SERHL2: variants seen among roughly 807,000 people sequenced by gnomAD.
SERHL2 encodes serine hydrolase like 2.
A neutral mutation model predicts 25.5 loss-of-function variants in SERHL2; 29 were observed. That is an observed-to-expected ratio of 1.14 (90% CI 0.85 to 1.55). SERHL2 has a LOEUF of 1.55. Ranked by LOEUF, SERHL2 falls within the 40% of genes most tolerant of loss-of-function variation. The pLI, the probability that SERHL2 is intolerant of heterozygous loss-of-function variation, is 0.00. For synonymous variants in SERHL2, 95 were observed against 103.5 expected (o/e 0.92, Z 0.50); for missense variants, 240 against 252.3 (o/e 0.95, Z 0.33).
rs763018444 is a variant in SERHL2 at position 42,554,097 on chromosome 22, C to T, written c.22+55C>T. ...CCACTGCCCACCCACCTGGTTGGGA[C>T]AGTAGAAGAGGGCGGGATGGAGTGG... On this transcript the variant is annotated intron_variant, in intron 1 of 11. Coordinates refer to ENST00000327678, the MANE Select transcript of SERHL2 (RefSeq NM_014509.5). 1.4e-5 allele frequency: 22 copies of T among 1,596,206 alleles called. No homozygotes were observed. In the East Asian group the frequency reaches 1.6e-4, roughly 11 times the overall value.
In SERHL2 at chr22:42,574,301, G is replaced by A; in HGVS notation, c.*246G>A. ...CTAATAATAAATATCCAGCCAGCTG[G>A]AGGAAGGAAGGGCAGGCTGGGCCCA... On this transcript the variant is annotated 3_prime_UTR_variant, in exon 12 of 12. Transcript: ENST00000327678. 3.7e-6 allele frequency: 2 copies of A among 545,654 alleles called. No individual in the cohort carries two copies. The highest frequency in any genetic ancestry group is 2.3e-5 in the South Asian group (1 of 43,594). 33.8% of individuals were successfully genotyped at this position (545,654 alleles called of 1,614,324 possible).
chr22:42,564,045 C>T (rs1014017560), intron 8 of SERHL2, among the ~76,000 whole-genome samples: 1 of 151,628 alleles, frequency 6.6e-6, no homozygotes, highest in African/African-American at 2.4e-5. Flanking sequence ...GCACTCTAGC[C>T]TGGGCAACAA....
In SERHL2 at chr22:42,571,030, A is replaced by G. The variant is rs533689958; in HGVS notation, c.649-91A>G. ...GGTGGGTGGCTAAGGTGCCCTCGCC[A>G]GGACTTAGCCACCCCAACAGAGATG... On this transcript the variant is annotated intron_variant, in intron 9 of 11. Transcript: ENST00000327678. 269 of 1,591,494 alleles carry G rather than the reference A, an allele frequency of 1.7e-4. 1 individual carries two copies. In the African/African-American group the frequency reaches 3.3e-3, roughly 19 times the overall value.
At chr22:42,556,671 G>A in intron 6 of SERHL2, 83 bp downstream of exon 6, 2 of 1,155,496 alleles carry the variant, frequency 1.7e-6, no homozygotes, top group South Asian at 2.7e-5. Flanking sequence ...TCCTTTGGTG[G>A]ACACTAGGGA....
intron 11 of SERHL2, 161 bp downstream of exon 11, chr22:42,572,690 C>A: frequency 1.0e-6 from 1 of 984,568 alleles, no homozygotes; most frequent in East Asian, 1.1e-4. Flanking sequence ...GTGGTCAGTC[C>A]CTAGAGGCCT....
At position 42,560,175 on chromosome 22, in the gene SERHL2, T is replaced by TC. The variant is rs759614339; in HGVS notation, c.534-10dup. 3 of 1,607,794 alleles carry TC rather than the reference T, an allele frequency of 1.9e-6. No homozygotes were observed. The highest frequency in any genetic ancestry group is 2.6e-6 in the Non-Finnish European group (3 of 1,174,666). On this transcript the variant is annotated splice_polypyrimidine_tract_variant and intron_variant, in intron 7 of 11. Transcript: ENST00000327678. Reference sequence around the variant, plus strand: ...CCTCCAGGCACCCAGCATCCTTCTGTCTCCCCCCAGGTTACTGAAGAGCAA... The same window carrying TC: ...CCTCCAGGCACCCAGCATCCTTCTGTCCTCCCCCCAGGTTACTGAAGAGCAA...
chr22:42,556,504 A>C lies in SERHL2; in HGVS notation c.349-10A>C. ...CCCCTATTCATTCTCCCCTTTTGGCATCCTCACAGTTTTTCTGTACCTTCC... is the reference window on the plus strand; with the variant it reads ...CCCCTATTCATTCTCCCCTTTTGGCCTCCTCACAGTTTTTCTGTACCTTCC... On this transcript the variant is annotated splice_polypyrimidine_tract_variant and intron_variant, in intron 5 of 11. Coordinates refer to ENST00000327678, the MANE Select transcript of SERHL2 (RefSeq NM_014509.5). 3 of 1,613,056 alleles carry C rather than the reference A, an allele frequency of 1.9e-6. No individual in the cohort carries two copies. Among genetic ancestry groups the C allele is most frequent in the Non-Finnish European group, 2.5e-6 (3 of 1,179,368 alleles).
intron 8 of SERHL2, among the ~76,000 whole-genome samples, chr22:42,561,248 G>A (rs1922641983): frequency 6.6e-6 from 1 of 151,920 alleles, no homozygotes; most frequent in Non-Finnish European, 1.5e-5. Context: ...ACAGCTGGAG[G>A]GAGATGGTGT....
chr22:42,572,266 G>C (rs1392064043), intron 10 of SERHL2, among the ~76,000 whole-genome samples, 170 bp from the exon 11 acceptor site: 4 of 152,072 alleles, frequency 2.6e-5, no homozygotes, highest in Non-Finnish European at 4.4e-5. Context: ...CATGAGCTGA[G>C]ATTAACTGAG....
intron 8 of SERHL2, among the ~76,000 whole-genome samples, chr22:42,562,597 C>G (rs886299444): frequency 2.0e-5 from 3 of 151,596 alleles, no homozygotes; most frequent in Non-Finnish European, 4.4e-5. Flanking sequence ...AGCTCCACTT[C>G]CTCTTTTGAA....
intron 1 of SERHL2, among the ~76,000 whole-genome samples, chr22:42,554,582 G>T (rs1028237032): frequency 1.3e-5 from 2 of 152,068 alleles, no homozygotes; most frequent in African/African-American, 4.8e-5. Context: ...AAGGAAACAG[G>T]CTCAAGACGT....
intron 9 of SERHL2, among the ~76,000 whole-genome samples, 196 bp downstream of exon 9, chr22:42,566,534 C>T (rs537105415): frequency 6.8e-5 from 10 of 147,744 alleles, no homozygotes; most frequent in Middle Eastern, 7.1e-3. Flanking sequence ...GCAGCCTGGG[C>T]GACAGAGCGA....
intron 9 of SERHL2, 63 bp downstream of exon 9, chr22:42,566,401 G>T: frequency 6.5e-7 from 1 of 1,543,088 alleles, no homozygotes; most frequent in South Asian, 1.1e-5. Context: ...TGTCGTTTTT[G>T]AAAATTACAG....
intron 9 of SERHL2, among the ~76,000 whole-genome samples, chr22:42,567,392 C>T (rs1427245684): frequency 6.6e-6 from 1 of 151,820 alleles, no homozygotes; most frequent in Non-Finnish European, 1.5e-5. Flanking sequence ...CGGCCGGGCG[C>T]GGTGGCTCAC....
intron 10 of SERHL2, chr22:42,571,832 C>T (rs1462431387): frequency 9.1e-5 from 14 of 153,790 alleles, no homozygotes; most frequent in Non-Finnish European, 1.4e-4. Flanking sequence ...ACACAACCGT[C>T]TACGTGTTGT....
At chr22:42,566,832 CCT>C (rs1356824063) in intron 9 of SERHL2, among the ~76,000 whole-genome samples, 9 of 152,290 alleles carry the variant, frequency 5.9e-5, no homozygotes, top group Non-Finnish European at 1.2e-4. Context: ...CATCTGGAGG[CCT>C]GTGTCACTGG....
intron 8 of SERHL2, among the ~76,000 whole-genome samples, chr22:42,560,725 AT>A (rs1199683127): frequency 2.0e-5 from 3 of 151,664 alleles, no homozygotes; most frequent in East Asian, 3.9e-4. Flanking sequence ...TTACCCAGGA[AT>A]TTTTTTTCTT....
chr22:42,563,176 C>CTTTTTCTT (rs572520743), intron 8 of SERHL2, among the ~76,000 whole-genome samples: 1,709 of 142,430 alleles, frequency 0.012, 20 homozygotes, highest in South Asian at 0.027. Context: ...AAGACCCTGG[C>CTTTTTCTT]TTTTTCTTTT....
intron 8 of SERHL2, among the ~76,000 whole-genome samples, chr22:42,562,322 C>T (rs1448089109): frequency 6.6e-6 from 1 of 151,858 alleles, no homozygotes; most frequent in East Asian, 1.9e-4. Context: ...CAACCTGATT[C>T]CTCCAGAATC....
Sources: allele counts gnomAD v4.1 joint callset (sites outside exome capture counted in the v4.1 genomes callset), GRCh38; gene constraint gnomAD v4.1.1; transcripts MANE v1.5; gene names NCBI Gene and HGNC (gene_info 2026-07-23, HGNC 2026-07-21).